Variants in ANO3 observed in about 807,000 individuals in gnomAD.
The protein encoded by ANO3 is anoctamin-3.
ANO3 carries 99 observed loss-of-function variants against 144.8 expected under a neutral mutation model. The ratio of observed to expected loss-of-function variants is 0.68; its 90% confidence interval spans 0.58 to 0.81. The LOEUF (loss-of-function observed/expected upper bound fraction) is 0.81. Ranked by LOEUF, ANO3 falls within the 30% of genes least tolerant of loss-of-function variation. The probability of loss-of-function intolerance (pLI) is 0.00; values close to 1 mark genes in which losing one functional copy is unlikely to be tolerated. For missense variants in ANO3, 905 were observed against 1,202.2 expected (o/e 0.75, Z 3.66); for synonymous variants, 414 against 392.6 (o/e 1.05, Z -0.64).
At chr11:26,624,779 T>C (rs1852526441) in intron 18 of ANO3, among the ~76,000 whole-genome samples, 1 of 152,236 alleles carries the variant, frequency 6.6e-6, no homozygotes, top group Non-Finnish European at 1.5e-5. Context: ...GGGTTTTTCC[T>C]CAATATTTAT....
intron 1 of ANO3, among the ~76,000 whole-genome samples, chr11:26,390,443 C>T (rs1856844847): frequency 6.6e-6 from 1 of 152,016 alleles, no homozygotes; most frequent in Non-Finnish European, 1.5e-5. Flanking sequence ...TGTGGCTAGA[C>T]AATTTCATCA....
chr11:26,327,367 T>C (rs925552189), upstream of ANO3, among the ~76,000 whole-genome samples: 1 of 152,184 alleles, frequency 6.6e-6, no homozygotes, highest in Non-Finnish European at 1.5e-5. Context: ...TTATTCATGC[T>C]CGATGGAAAT....
intron 5 of ANO3, among the ~76,000 whole-genome samples, chr11:26,512,715 G>C (rs149799692): frequency 7.4e-4 from 112 of 152,204 alleles, no homozygotes; most frequent in African/African-American, 2.5e-3. Context: ...TCCTTCTAAA[G>C]CATCCCCTTA....
At chr11:26,592,590 G>C (rs1851485568) in intron 14 of ANO3, among the ~76,000 whole-genome samples, 1 of 148,878 alleles carries the variant, frequency 6.7e-6, no homozygotes, top group African/African-American at 2.5e-5. Context: ...GTAAAATCTA[G>C]TTGCCAGTCT....
At position 26,662,644 on chromosome 11, in the gene ANO3, G is replaced by C. The variant is rs1025483009; in HGVS notation, c.*2200G>C. 6.6e-6 allele frequency: 1 copy of C among 151,928 alleles called. No homozygotes were observed. Among genetic ancestry groups the C allele is most frequent in the Non-Finnish European group, 1.5e-5 (1 of 67,954 alleles). 9.4% of individuals were successfully genotyped at this position (151,928 alleles called of 1,614,324 possible). On this transcript the variant is annotated 3_prime_UTR_variant, in exon 27 of 27. Coordinates refer to ENST00000256737, the MANE Select transcript of ANO3 (RefSeq NM_031418.4). ...TCAACTAGAAAGAAAAATATGAAAA[G>C]AGAAAAATATTTTAATTTAAAAATT...
chr11:26,304,167 C>T (rs1854306001), intron 1 of ANO3, among the ~76,000 whole-genome samples: 1 of 151,948 alleles, frequency 6.6e-6, no homozygotes, highest in African/African-American at 2.4e-5. Flanking sequence ...TTCATATGTA[C>T]ATAATTTAAT....
intron 14 of ANO3, among the ~76,000 whole-genome samples, chr11:26,595,461 T>TTTTTTTG (rs1491510021): frequency 8.3e-5 from 2 of 23,976 alleles, no homozygotes; most frequent in African/African-American, 2.3e-4. Flanking sequence ...GATAGAGTTG[T>TTTTTTTG]TTTTTTTTTT....
At chr11:26,550,850 G>C (rs957612358) in intron 12 of ANO3, among the ~76,000 whole-genome samples, 25 of 151,904 alleles carry the variant, frequency 1.6e-4, no homozygotes, top group African/African-American at 5.6e-4. Context: ...CCTCCCTACT[G>C]TTTTTCATAG....
chr11:26,591,940 G>T (rs1297901471), intron 14 of ANO3, among the ~76,000 whole-genome samples: 1 of 152,152 alleles, frequency 6.6e-6, no homozygotes, highest in Non-Finnish European at 1.5e-5. Context: ...TGACTGGGTA[G>T]GGTCCTTCCC....
intron 18 of ANO3, 111 bp downstream of exon 18, chr11:26,624,609 AT>A: frequency 2.6e-6 from 2 of 770,230 alleles, no homozygotes; most frequent in Non-Finnish European, 4.3e-6. Context: ...TTATTTAAGT[AT>A]TTACCAATTA....
intron 14 of ANO3, chr11:26,567,155 G>A: frequency 1.5e-6 from 2 of 1,374,206 alleles, no homozygotes; most frequent in South Asian, 3.9e-5. Flanking sequence ...AAATGGAAGA[G>A]GCAATATTTA....
At chr11:26,332,055 A>G, upstream of ANO3, 1 of 1,377,158 alleles carries the variant, frequency 7.3e-7, no homozygotes, top group Non-Finnish European at 9.5e-7. Flanking sequence ...TTCCCAGAGT[A>G]GCCGCTAAGG....
At chr11:26,501,628 T>G (rs1413594994) in intron 4 of ANO3, among the ~76,000 whole-genome samples, 1 of 152,158 alleles carries the variant, frequency 6.6e-6, no homozygotes. Context: ...CATGAAGACT[T>G]GCAGGACACC....
chr11:26,465,290 A>AGATG lies in ANO3; in HGVS notation c.432+2145_432+2146insGGAT, dbSNP rs938953882. ...AACCTATTTAGATAGATAGATAGAT[A>AGATG]GATAGATAGATAGATAGATAGATAG... On this transcript the variant is annotated intron_variant, in intron 4 of 26. Transcript: ENST00000256737. 2.2e-4 allele frequency among the ~76,000 whole-genome samples: 34 copies of AGATG among 151,456 alleles called. 1 individual carries two copies. In the East Asian group the frequency reaches 6.5e-3, roughly 29 times the overall value.
intron 18 of ANO3, among the ~76,000 whole-genome samples, chr11:26,631,850 A>T (rs768546445): frequency 2.2e-4 from 33 of 152,130 alleles, no homozygotes; most frequent in African/African-American, 2.4e-5. Context: ...GATAGAAAAG[A>T]ACTGAAAAAT....
intron 1 of ANO3, among the ~76,000 whole-genome samples, chr11:26,407,234 A>T (rs1177050121): frequency 6.6e-6 from 1 of 151,432 alleles, no homozygotes; most frequent in Non-Finnish European, 1.5e-5. Flanking sequence ...GAACTTGTTT[A>T]TCTCTGTGCC....
chr11:26,390,647 C>T (rs1856850972), intron 1 of ANO3, among the ~76,000 whole-genome samples: 1 of 152,048 alleles, frequency 6.6e-6, no homozygotes, highest in African/African-American at 2.4e-5. Context: ...AGAATGCTCA[C>T]AGCTACATAG....
chr11:26,378,515 C>T, intron 1 of ANO3, among the ~76,000 whole-genome samples: 1 of 151,082 alleles, frequency 6.6e-6, no homozygotes, highest in Admixed American at 6.6e-5. Flanking sequence ...ATCTGGGAAA[C>T]ACACTTTTAA....
chr11:26,381,868 T>C (rs116305475), intron 1 of ANO3, among the ~76,000 whole-genome samples: 2,500 of 152,320 alleles, frequency 0.016, 63 homozygotes, highest in African/African-American at 0.057. Flanking sequence ...ATTGGTATTT[T>C]ATTTTTAGAA....
Sources: gnomAD v4.1 joint callset for allele counts (sites outside exome capture counted in the v4.1 genomes callset) on GRCh38, gnomAD v4.1.1 for gene constraint, MANE v1.5 for transcripts, NCBI Gene and HGNC (gene_info 2026-07-23, HGNC 2026-07-21) for gene names.